STXBP4: variants seen among roughly 807,000 people sequenced by gnomAD.
The protein encoded by STXBP4 is syntaxin binding protein 4, also known as syntaxin-binding protein 4.
A neutral mutation model predicts 76.1 loss-of-function variants in STXBP4; 55 were observed. The observed-to-expected ratio is 0.72, with a 90% confidence interval of 0.58 to 0.91. The LOEUF is 0.91. Among genes scored for constraint, STXBP4 ranks in the 40% least tolerant of loss-of-function variants. The probability of loss-of-function intolerance (pLI) is 0.00; values close to 1 mark genes in which losing one functional copy is unlikely to be tolerated. For synonymous variants in STXBP4, 201 were observed against 220.2 expected (o/e 0.91, Z 0.77); for missense variants, 618 against 636.9 (o/e 0.97, Z 0.32).
the STXBP4 span, among the ~76,000 whole-genome samples, chr17:55,211,524 T>C: frequency 6.6e-6 from 1 of 152,222 alleles, no homozygotes; most frequent in Non-Finnish European, 1.5e-5. Flanking sequence ...ACACATTATT[T>C]ATGATTCTAC....
intron 1 of STXBP4, among the ~76,000 whole-genome samples, chr17:54,973,029 G>A (rs1293791929): frequency 6.6e-6 from 1 of 152,204 alleles, no homozygotes; most frequent in Non-Finnish European, 1.5e-5. Context: ...AGAGAAAAGT[G>A]TATTTAGGAA....
chr17:55,206,678 G>A, the STXBP4 span, among the ~76,000 whole-genome samples: 1 of 151,924 alleles, frequency 6.6e-6, no homozygotes, highest in African/African-American at 2.4e-5. Context: ...CCAATATGGT[G>A]AAACCCCATC....
chr17:55,043,878 G>T (rs990588975), intron 11 of STXBP4: 22 of 481,262 alleles, frequency 4.6e-5, no homozygotes, highest in African/African-American at 1.0e-4. Context: ...AGACAGGGTC[G>T]CACTCTGTCG....
At chr17:55,116,981 T>A (rs1190914991) in intron 16 of STXBP4, among the ~76,000 whole-genome samples, 5 of 151,858 alleles carry the variant, frequency 3.3e-5, no homozygotes, top group Non-Finnish European at 7.4e-5. Context: ...ATACTGCAGA[T>A]GAGTTAATAA....
intron 16 of STXBP4, among the ~76,000 whole-genome samples, chr17:55,135,353 A>G (rs1288378052): frequency 1.3e-5 from 2 of 152,130 alleles, no homozygotes; most frequent in African/African-American, 2.4e-5. Flanking sequence ...ATATATGTAT[A>G]TATGTCATTT....
At chr17:55,038,088 C>G (rs1020702126) in intron 10 of STXBP4, among the ~76,000 whole-genome samples, 1 of 152,044 alleles carries the variant, frequency 6.6e-6, no homozygotes, top group African/African-American at 2.4e-5. Context: ...AGGCCTGGGT[C>G]ATTCTGTTAG....
chr17:54,978,116 C>G (rs531982606), intron 1 of STXBP4, among the ~76,000 whole-genome samples: 3 of 152,214 alleles, frequency 2.0e-5, no homozygotes, highest in Non-Finnish European at 4.4e-5. Context: ...AAAAGAAAAT[C>G]GTTCCCTCAA....
intron 16 of STXBP4, among the ~76,000 whole-genome samples, chr17:55,094,442 T>C (rs1359599027): frequency 2.6e-5 from 4 of 152,138 alleles, no homozygotes. Context: ...ATTGCAGTGA[T>C]TGAGGTGGGA....
chr17:54,983,848 C>T (rs142745348), intron 1 of STXBP4, among the ~76,000 whole-genome samples: 1 of 152,272 alleles, frequency 6.6e-6, no homozygotes, highest in East Asian at 1.9e-4. Flanking sequence ...ATGACTATAT[C>T]AGTCTTGTGG....
Position 55,132,096 on chromosome 17 carries a change from C to T in STXBP4, c.1490-9214C>T, listed in dbSNP as rs1013630871. On this transcript the variant is annotated intron_variant, in intron 16 of 17. Coordinates refer to ENST00000376352, the MANE Select transcript of STXBP4 (RefSeq NM_178509.6). The stretch of plus-strand genomic sequence containing the variant: ...ATTAGAGCTCCTCCCCTCTTCATCT[C>T]TGTAACCCATAAGGAAAAGAAGAAT... 9.2e-5 allele frequency among the ~76,000 whole-genome samples: 14 copies of T among 152,328 alleles called. No individual in the cohort carries two copies. The East Asian group carries it at 1.9e-3, about 21-fold the overall frequency.
At chr17:55,076,076 C>T (rs188540929) in intron 13 of STXBP4, among the ~76,000 whole-genome samples, 2 of 152,044 alleles carry the variant, frequency 1.3e-5, no homozygotes, top group East Asian at 1.9e-4. Context: ...GGTTACTAAT[C>T]CTTTGTTAAA....
At chr17:55,128,150 G>A (rs1251428547) in intron 16 of STXBP4, among the ~76,000 whole-genome samples, 1 of 152,160 alleles carries the variant, frequency 6.6e-6, no homozygotes, top group East Asian at 1.9e-4. Context: ...TTCATGGGAG[G>A]CAAATTTCTA....
rs569899032 is a variant in STXBP4 at position 54,973,563 on chromosome 17, A to G, written c.-157+4748A>G. On this transcript the variant is annotated intron_variant, in intron 1 of 17. Coordinates refer to ENST00000376352, the MANE Select transcript of STXBP4 (RefSeq NM_178509.6). ...ATGAAAGGTCTGTCAATATGCATAG[A>G]TACAATAACAATACAACATTGGGAG... Among the ~76,000 whole-genome samples the G allele has an allele frequency of 2.6e-5, 4 of 152,352 alleles. No individual in the cohort carries two copies. In the South Asian group the frequency reaches 6.2e-4, roughly 24 times the overall value.
intron 17 of STXBP4, among the ~76,000 whole-genome samples, chr17:55,145,583 C>T (rs1481427044): frequency 6.6e-6 from 1 of 152,200 alleles, no homozygotes; most frequent in Non-Finnish European, 1.5e-5. Flanking sequence ...ATGTCCATCA[C>T]ACATATATTA....
At chr17:54,995,318 A>G (rs572593268) in intron 4 of STXBP4, among the ~76,000 whole-genome samples, 38 of 152,260 alleles carry the variant, frequency 2.5e-4, no homozygotes, top group Non-Finnish European at 3.7e-4. Flanking sequence ...CAACACTTTA[A>G]AGTTCTCAAA....
intron 8 of STXBP4, among the ~76,000 whole-genome samples, chr17:55,023,638 C>T (rs868055454): frequency 1.6e-4 from 24 of 150,678 alleles, no homozygotes; most frequent in African/African-American, 5.6e-4. Context: ...TATATAGAAA[C>T]AATGAATAAA....
chr17:55,028,419 A>T (rs1052163131), intron 8 of STXBP4, among the ~76,000 whole-genome samples: 11 of 152,316 alleles, frequency 7.2e-5, no homozygotes, highest in African/African-American at 2.4e-4. Context: ...CTATAGTGTG[A>T]CAATTTTTGC....
intron 8 of STXBP4, among the ~76,000 whole-genome samples, chr17:55,010,380 T>A (rs531413151): frequency 6.6e-6 from 1 of 152,122 alleles, no homozygotes; most frequent in Non-Finnish European, 1.5e-5. Flanking sequence ...GAACTAGTTA[T>A]TTCTTAATTC....
intron 12 of STXBP4, among the ~76,000 whole-genome samples, chr17:55,053,654 G>A (rs1001535105): frequency 3.3e-5 from 5 of 151,684 alleles, no homozygotes; most frequent in Non-Finnish European, 5.9e-5. Context: ...CTCTATTTTC[G>A]GGCCAATTTT....
Sources: allele counts gnomAD v4.1 joint callset (sites outside exome capture counted in the v4.1 genomes callset), GRCh38; gene constraint gnomAD v4.1.1; transcripts MANE v1.5; gene names NCBI Gene and HGNC (gene_info 2026-07-23, HGNC 2026-07-21).